EGFR: variants seen among roughly 807,000 people sequenced by gnomAD.
EGFR encodes avian erythroblastic leukemia viral (v-erb-b) oncogene homolog.
In EGFR, 58 loss-of-function variants were observed where a neutral mutation model predicts 143.0. That is an observed-to-expected ratio of 0.41 (90% CI 0.33 to 0.50). The LOEUF (loss-of-function observed/expected upper bound fraction) is 0.50, where lower values mean the gene tolerates loss of function less well. Ranked by LOEUF, EGFR falls within the 20% of genes least tolerant of loss-of-function variation. EGFR has a pLI of 0.39. For missense variants in EGFR, 1,307 were observed against 1,579.0 expected (o/e 0.83, Z 2.92); for synonymous variants, 613 against 594.4 (o/e 1.03, Z -0.45).
chr7:55,087,613 G>A (rs1478614669), intron 1 of EGFR, among the ~76,000 whole-genome samples: 1 of 152,236 alleles, frequency 6.6e-6, no homozygotes, highest in Non-Finnish European at 1.5e-5. Context: ...AACTTTGAAG[G>A]AGAAATAAGA....
chr7:55,163,426 G>C (rs1458993479), intron 13 of EGFR, among the ~76,000 whole-genome samples: 1 of 152,122 alleles, frequency 6.6e-6, no homozygotes, highest in Non-Finnish European at 1.5e-5. Flanking sequence ...TGGTATTAGA[G>C]GCAGGGAACA....
intron 1 of EGFR, among the ~76,000 whole-genome samples, chr7:55,131,159 A>G (rs1793807496): frequency 6.6e-6 from 1 of 152,166 alleles, no homozygotes; most frequent in South Asian, 2.1e-4. Flanking sequence ...TTGCCTTCAT[A>G]GGGGTGGCAC....
intron 13 of EGFR, among the ~76,000 whole-genome samples, chr7:55,162,368 T>C (rs1379859030): frequency 2.0e-5 from 3 of 152,264 alleles, no homozygotes; most frequent in Non-Finnish European, 2.9e-5. Flanking sequence ...CCTGTTTTAC[T>C]CTCTGGGCAT....
At chr7:55,079,943 A>G (rs147899047) in intron 1 of EGFR, among the ~76,000 whole-genome samples, 116 of 152,362 alleles carry the variant, frequency 7.6e-4, no homozygotes, top group African/African-American at 2.7e-3. Flanking sequence ...CTCTCAGTCC[A>G]TAACTTATCT....
intron 1 of EGFR, among the ~76,000 whole-genome samples, chr7:55,030,910 G>C (rs1787208329): frequency 6.6e-6 from 1 of 152,224 alleles, no homozygotes; most frequent in South Asian, 2.1e-4. Flanking sequence ...GAATGGAATG[G>C]AGAGTGCGGC....
chr7:55,186,016 G>C (rs1054515684), intron 20 of EGFR, among the ~76,000 whole-genome samples: 1 of 152,214 alleles, frequency 6.6e-6, no homozygotes, highest in African/African-American at 2.4e-5. Flanking sequence ...AGGAAGATGA[G>C]CTGAGTGGGC....
chr7:55,066,741 G>A (rs1378360810), intron 1 of EGFR, among the ~76,000 whole-genome samples: 1 of 152,166 alleles, frequency 6.6e-6, no homozygotes, highest in Non-Finnish European at 1.5e-5. Flanking sequence ...TAAGCAAGAG[G>A]CTCCTCAGGT....
intron 26 of EGFR, 96 bp downstream of exon 26, chr7:55,201,878 A>T: frequency 6.9e-7 from 1 of 1,458,630 alleles, no homozygotes; most frequent in South Asian, 1.1e-5. Flanking sequence ...TTTAACCCAG[A>T]TAATCTTGAG....
intron 1 of EGFR, among the ~76,000 whole-genome samples, chr7:55,127,820 G>A (rs773362355): frequency 2.7e-5 from 4 of 147,334 alleles, no homozygotes; most frequent in Non-Finnish European, 1.5e-5. Context: ...AAAAACAAAA[G>A]CTTGCTTCAG....
intron 15 of EGFR, chr7:55,168,649 A>G (rs1231060998): frequency 2.7e-6 from 4 of 1,465,290 alleles, no homozygotes; most frequent in African/African-American, 1.4e-5. Flanking sequence ...ATGGAATTTT[A>G]TAAATATTTT....
intron 1 of EGFR, among the ~76,000 whole-genome samples, chr7:55,032,378 G>GA (rs1245013753): frequency 1.3e-5 from 2 of 152,122 alleles, no homozygotes; most frequent in African/African-American, 4.8e-5. Flanking sequence ...GGCCTTAAGG[G>GA]AAAAAATGAT....
intron 1 of EGFR, among the ~76,000 whole-genome samples, chr7:55,095,979 GCACACACAGAGACACACAGA>G: frequency 6.7e-6 from 1 of 150,308 alleles, no homozygotes; most frequent in Non-Finnish European, 1.5e-5. Context: ...ACAGACACGG[GCACACACAGAGACACACAGA>G]CACACACAGG....
chr7:55,077,810 G>A (rs1420138182), intron 1 of EGFR, among the ~76,000 whole-genome samples: 1 of 152,150 alleles, frequency 6.6e-6, no homozygotes, highest in Non-Finnish European at 1.5e-5. Flanking sequence ...ACCTGGGAGA[G>A]GTAGTTTCCA....
intron 1 of EGFR, among the ~76,000 whole-genome samples, chr7:55,090,261 T>C (rs1791030199): frequency 6.6e-6 from 1 of 152,156 alleles, no homozygotes; most frequent in African/African-American, 2.4e-5. Flanking sequence ...TGTACGTGCA[T>C]TTTTAGTTTT....
chr7:55,042,560 C>G (rs1325927257), intron 1 of EGFR, among the ~76,000 whole-genome samples: 2 of 152,080 alleles, frequency 1.3e-5, no homozygotes, highest in African/African-American at 2.4e-5. Context: ...TTCCATGCAG[C>G]ATGGATGTGG....
At chr7:55,146,536 G>A (rs950433780) in intron 3 of EGFR, 70 bp from the exon 4 acceptor site, 4 of 1,605,872 alleles carry the variant, frequency 2.5e-6, no homozygotes, top group African/African-American at 2.7e-5. Flanking sequence ...AATGCGAAGA[G>A]CACATGCATC....
intron 1 of EGFR, among the ~76,000 whole-genome samples, chr7:55,028,025 T>TATATATATATAC (rs869080650): frequency 5.9e-5 from 6 of 101,640 alleles, no homozygotes; most frequent in South Asian, 3.4e-4. Context: ...TATATATATA[T>TATATATATATAC]ACACACACAC....
At chr7:55,187,816 T>C (rs1787208617) in intron 20 of EGFR, among the ~76,000 whole-genome samples, 1 of 152,014 alleles carries the variant, frequency 6.6e-6, no homozygotes, top group Admixed American at 6.6e-5. Context: ...GTCTCTGGGG[T>C]GGGGCTGCCC....
chr7:55,104,832 TG>T (rs1183789629), intron 1 of EGFR, among the ~76,000 whole-genome samples: 1 of 152,236 alleles, frequency 6.6e-6, no homozygotes, highest in Non-Finnish European at 1.5e-5. Flanking sequence ...CAGTAGGAAG[TG>T]GGCAGACTGT....
Sources: gnomAD v4.1 joint callset for allele counts (sites outside exome capture counted in the v4.1 genomes callset) on GRCh38, gnomAD v4.1.1 for gene constraint, MANE v1.5 for transcripts, NCBI Gene and HGNC (gene_info 2026-07-23, HGNC 2026-07-21) for gene names.